The following DNAH1 variants were observed in gnomAD, a reference collection of about 807,000 sequenced individuals.
DNAH1 encodes the protein dynein axonemal heavy chain 1, also known as axonemal beta dynein heavy chain 1.
DNAH1 carries 327 observed loss-of-function variants against 484.3 expected under a neutral mutation model. The ratio of observed to expected loss-of-function variants is 0.68; its 90% CI spans 0.62 to 0.74. The LOEUF (loss-of-function observed/expected upper bound fraction) is 0.74, where lower values mean the gene tolerates loss of function less well. Ranked by LOEUF, DNAH1 falls within the 30% of genes least tolerant of loss-of-function variation. The pLI is 0.00. For synonymous variants in DNAH1, 2,192 were observed against 2,191.9 expected (o/e 1.00, Z 0.00); for missense variants, 5,052 against 5,546.8 (o/e 0.91, Z 2.83).
intron 5 of DNAH1, among the ~76,000 whole-genome samples, chr3:52,327,467 C>T (rs949249316): frequency 2.0e-5 from 3 of 152,122 alleles, no homozygotes; most frequent in Non-Finnish European, 4.4e-5. Flanking sequence ...CTGACAGCCC[C>T]GAATCTCACC....
At chr3:52,311,404 G>A (rs915484792), upstream of DNAH1, among the ~76,000 whole-genome samples, 5 of 152,140 alleles carry the variant, frequency 3.3e-5, no homozygotes, top group Non-Finnish European at 4.4e-5. Flanking sequence ...TGGCGCACCC[G>A]GGGAGAGGGG....
Position 52,384,779 on chromosome 3 carries a change from C to T in DNAH1, c.8323-7C>T. ...CCAGGCCGGCATCCATGGTCTTCCT[C>T]CCCCAGATCCAGGTCTGTGTGTACA... On this transcript the variant is annotated splice_polypyrimidine_tract_variant and splice_region_variant and intron_variant, in intron 52 of 77. Coordinates refer to ENST00000420323, the MANE Select transcript of DNAH1 (RefSeq NM_015512.5). The T allele has an allele frequency of 1.9e-6, 3 of 1,593,676 alleles. No individual in the cohort carries two copies. The highest frequency in any genetic ancestry group is 4.5e-5 in the East Asian group (2 of 43,970).
chr3:52,349,927 G>C, intron 14 of DNAH1, 62 bp from the exon 15 acceptor site: 2 of 1,542,542 alleles, frequency 1.3e-6, no homozygotes, highest in Middle Eastern at 1.8e-4. Context: ...AGGAGGAAGA[G>C]CAGGTGAGGG....
chr3:52,358,884 C>T lies in DNAH1; in HGVS notation c.4266+147C>T. ...GCGGGATTCTGGAGTCTTTCCTTTCCACACACACTCCAGAAAGTGGGACTC... is the reference window on the plus strand; with the variant it reads ...GCGGGATTCTGGAGTCTTTCCTTTCTACACACACTCCAGAAAGTGGGACTC... On this transcript the variant is annotated intron_variant, in intron 25 of 77. Coordinates refer to ENST00000420323, the MANE Select transcript of DNAH1 (RefSeq NM_015512.5). This position sits in a 1 kb window ranked among gnomAD's most constrained non-coding sequence, Gnocchi z 4.2. 1 of 946,120 alleles carries T rather than the reference C, an allele frequency of 1.1e-6. No homozygotes were observed. The highest frequency in any genetic ancestry group is 1.6e-6 in the Non-Finnish European group (1 of 641,898). The allele number at this position is 946,120 out of a possible 1,614,324, so 58.6% of individuals were successfully genotyped here. A position where few individuals can be genotyped will look rare whatever the true frequency, so the allele number is the denominator to read the frequency against.
In DNAH1 at chr3:52,368,520, C is replaced by A. The variant is rs1464310074; in HGVS notation, c.5766-221C>A. Among the ~76,000 whole-genome samples, 1 of 152,184 alleles carries A rather than the reference C, an allele frequency of 6.6e-6. No homozygotes were observed. The highest frequency in any genetic ancestry group is 1.5e-5 in the Non-Finnish European group (1 of 68,036). On this transcript the variant is annotated intron_variant, in intron 36 of 77. Transcript: ENST00000420323. This position sits in a 1 kb window ranked among gnomAD's most constrained non-coding sequence, Gnocchi z 4.4. ...TCCCTTTTTCCTGTTGGGATTTCAC[C>A]TTTAATGGGGCTTCAGCAGGGCAGG...
chr3:52,386,131 G>T, intron 54 of DNAH1, 29 bp from the exon 55 acceptor site: 1 of 1,594,856 alleles, frequency 6.3e-7, no homozygotes, highest in African/African-American at 1.3e-5. Flanking sequence ...GAAAAGGGGG[G>T]AGGACATCCC....
chr3:52,372,457 C>G, intron 43 of DNAH1, 70 bp downstream of exon 43: 1 of 1,581,174 alleles, frequency 6.3e-7, no homozygotes, highest in Admixed American at 1.7e-5. Flanking sequence ...GCTGTCCCAC[C>G]TCTCCACCAA....
At chr3:52,398,764 T>C (rs555468506) in intron 75 of DNAH1, 86 bp from the exon 76 acceptor site, 1 of 1,223,618 alleles carries the variant, frequency 8.2e-7, no homozygotes, top group East Asian at 2.6e-5. Flanking sequence ...GCCATTGTTT[T>C]TCACTCTGTG....
Position 52,352,062 on chromosome 3 carries a change from A to G in DNAH1, c.2830A>G (p.Met944Val), listed in dbSNP as rs748334055. The change falls in exon 17 of 78, where the codon ATG becomes GTG. Residue 944 changes from methionine to valine, a missense_variant. Met to Val is a conservative substitution (Grantham distance 21). This residue lies in a region of DNAH1 where 1,263 missense variants were observed against 1,218.8 expected (regional missense o/e 1.04). Coordinates refer to ENST00000420323, the MANE Select transcript of DNAH1 (RefSeq NM_015512.5). ...DEEKFRKIQI[M>V]DQNNFQEKLE... The stretch of plus-strand genomic sequence containing the variant: ...GGAGAAGTTCCGCAAAATCCAGATC[A>G]TGGATCAGAACAACTTCCAAGAGAA... 6 of 1,587,582 alleles carry G rather than the reference A, an allele frequency of 3.8e-6. No individual in the cohort carries two copies. The African/African-American group carries it at 4.0e-5, about 11-fold the overall frequency.
Position 52,358,080 on chromosome 3 carries a change from G to T in DNAH1, c.4086+77G>T. 8.7e-7 allele frequency: 1 copy of T among 1,148,438 alleles called. No individual in the cohort carries two copies. Among genetic ancestry groups the T allele is most frequent in the Non-Finnish European group, 1.2e-6 (1 of 817,288 alleles). The allele number at this position is 1,148,438 out of a possible 1,614,324, so 71.1% of individuals were successfully genotyped here. Reference sequence around the variant, plus strand: ...GGGAGAACGTCCCTCCCTTTGTGATGAGCCCTTTTAGCAGGAAATGTGGCA... The same window carrying T: ...GGGAGAACGTCCCTCCCTTTGTGATTAGCCCTTTTAGCAGGAAATGTGGCA... On this transcript the variant is annotated intron_variant, in intron 24 of 77. Transcript: ENST00000420323. The surrounding 1 kb of genome is among the most constrained non-coding windows in gnomAD (Gnocchi z 4.2).
Position 52,394,580 on chromosome 3 carries a change from C to A in DNAH1, c.10742C>A (p.Pro3581Gln), listed in dbSNP as rs762512354. 2 of 1,611,934 alleles carry A rather than the reference C, an allele frequency of 1.2e-6. No homozygotes were observed. The highest frequency in any genetic ancestry group is 2.2e-5 in the South Asian group (2 of 90,952). The part of the protein sequence containing the change: ...WRDILALSNL[P>Q]TFSSFSSDFV... ...GACATCCTAGCACTCTCGAACCTGC[C>A]AACCTTTTCCTCCTTCTCTTCCGAC... The change falls in exon 67 of 78, where the codon CCA becomes CAA. Residue 3581 changes from proline to glutamine, a missense_variant. Physicochemically the swap from Pro to Gln is moderately conservative, Grantham distance 76. Around this residue, in one of 4 missense-constraint regions of DNAH1, gnomAD observed 853 missense variants for 899.0 expected, o/e 0.95. Transcript: ENST00000420323.
intron 44 of DNAH1, chr3:52,373,640 A>C (rs1019125514): frequency 2.9e-5 from 42 of 1,426,120 alleles, no homozygotes; most frequent in Admixed American, 1.7e-5. Flanking sequence ...TTCAAAAACT[A>C]CCATCCTTAA....
chr3:52,397,157 C>A, intron 73 of DNAH1, 113 bp downstream of exon 73: 1 of 1,023,376 alleles, frequency 9.8e-7, no homozygotes, highest in East Asian at 2.6e-5. Context: ...CCTCCATCAG[C>A]TGTCTTTTCA....
rs780257961 is a variant in DNAH1 at position 52,357,724 on chromosome 3, C to T, written c.3969C>T (p.Ser1323=). 9 of 1,578,526 alleles carry T rather than the reference C, an allele frequency of 5.7e-6. No homozygotes were observed. Among genetic ancestry groups the T allele is most frequent in the African/African-American group, 2.7e-5 (2 of 74,052 alleles). The change falls in exon 23 of 78, where the codon AGC becomes AGT. Residue 1323 remains serine, a synonymous_variant. Coordinates refer to ENST00000420323, the MANE Select transcript of DNAH1 (RefSeq NM_015512.5). ...GCGAGTATCTGGAGACCAAGAGGAG[C>T]GCCTTCCCCAGGTGGGCGCCACCTG... ...GLSEYLETKR[S]AFPRFYFLSD... is the part of the protein sequence containing the mutation.
intron 6 of DNAH1, among the ~76,000 whole-genome samples, chr3:52,328,950 T>C (rs1005540798): frequency 6.6e-6 from 1 of 152,206 alleles, no homozygotes; most frequent in Non-Finnish European, 1.5e-5. Context: ...ATGACTGGTT[T>C]TAAGCCTGCC....
Position 52,357,625 on chromosome 3 carries a change from G to A in DNAH1, c.3870G>A (p.Val1290=), listed in dbSNP as rs1420182096. The A allele has an allele frequency of 6.2e-7, 1 of 1,600,798 alleles. No homozygotes were observed. Among genetic ancestry groups the A allele is most frequent in the East Asian group, 2.2e-5 (1 of 44,506 alleles). Residue 1290 remains valine, a synonymous_variant, in exon 23 of 78, where the codon GTG becomes GTA. Coordinates refer to ENST00000420323, the MANE Select transcript of DNAH1 (RefSeq NM_015512.5). ...CCCGGGCCCTGCAGGTGATCAATGT[G>A]TGTTCCGACCTGAGAATGCTGGACA... ...NAYENREVIN[V]CSDLRMLDSL...
rs944798930 is a variant in DNAH1, at chr3:52,346,661, C to A, written c.1846C>A (p.Gln616Lys). 6.2e-7 allele frequency: 1 copy of A among 1,614,064 alleles called. No individual in the cohort carries two copies. Among genetic ancestry groups the A allele is most frequent in the Admixed American group, 1.7e-5 (1 of 60,028 alleles). ...GCAGGACACACTGCGCTTCCTGGTG[C>A]AGGACTCACTTGCCAGCTTCTCACA... ...MLQDTLRFLV[Q>K]DSLASFSQFI... The change falls in exon 11 of 78, where the codon CAG (glutamine) becomes AAG (lysine). Residue 616 changes from glutamine (Q) to lysine (K), a missense_variant. By Grantham distance (53) the Gln-to-Lys change is moderately conservative (BLOSUM62 1). This residue lies in a region of DNAH1 where 1,263 missense variants were observed against 1,218.8 expected (regional missense o/e 1.04). Transcript: ENST00000420323.
At chr3:52,311,251 C>T in the DNAH1 span, among the ~76,000 whole-genome samples, 1 of 152,216 alleles carries the variant, frequency 6.6e-6, no homozygotes, top group African/African-American at 2.4e-5. Context: ...GGCCCTGCGC[C>T]TCCAGGAGGT....
At chr3:52,352,249 TGAAA>T in intron 17 of DNAH1, 146 bp downstream of exon 17, 1 of 1,242,420 alleles carries the variant, frequency 8.0e-7, no homozygotes, top group East Asian at 2.6e-5. Context: ...AATAAATGGC[TGAAA>T]GAATGAACGC....
Sources: gnomAD v4.1 joint callset for allele counts (sites outside exome capture counted in the v4.1 genomes callset) on GRCh38, gnomAD v4.1.1 for gene constraint, gnomAD v4.1.1 regional missense constraint, Gnocchi (gnomAD v3.1) non-coding constraint, MANE v1.5 for transcripts, NCBI Gene and HGNC (gene_info 2026-07-23, HGNC 2026-07-21) for gene names.